The following CEP128 variants were observed in gnomAD, a reference collection of about 807,000 sequenced individuals.
CEP128 encodes the protein centrosomal protein 128kDa.
Under a neutral mutation model 156.7 loss-of-function variants are expected in CEP128, and 132 were observed. The ratio of observed to expected loss-of-function variants is 0.84; its 90% CI spans 0.73 to 0.97. CEP128 has a LOEUF of 0.97. Ranked by LOEUF, CEP128 falls within the 50% of genes least tolerant of loss-of-function variation. The pLI, the probability that CEP128 is intolerant of heterozygous loss-of-function variation, is 0.00. For missense variants in CEP128, 1,252 were observed against 1,281.9 expected, an observed-to-expected ratio of 0.98 and a Z score of 0.36; for synonymous variants, 469 against 448.9, an observed-to-expected ratio of 1.04 and a Z score of -0.57.
chr14:80,478,676 T>G (rs1886992578), intron 14 of CEP128, among the ~76,000 whole-genome samples: 1 of 152,100 alleles, frequency 6.6e-6, no homozygotes, highest in African/African-American at 2.4e-5. Flanking sequence ...GAGGATTGAG[T>G]TAAAATATTT....
intron 2 of CEP128, among the ~76,000 whole-genome samples, chr14:80,957,095 G>A (rs1886734801): frequency 6.6e-6 from 1 of 151,948 alleles, no homozygotes; most frequent in Admixed American, 6.6e-5. Context: ...AGAACTTCTG[G>A]CACTTCCCCA....
At chr14:80,572,494 G>A (rs1486360336) in intron 20 of CEP128, among the ~76,000 whole-genome samples, 1 of 152,136 alleles carries the variant, frequency 6.6e-6, no homozygotes, top group Non-Finnish European at 1.5e-5. Flanking sequence ...TTTGCCCAAA[G>A]TTTGAGGTCT....
intron 2 of CEP128, among the ~76,000 whole-genome samples, chr14:80,931,132 C>CTAT: frequency 6.6e-6 from 1 of 152,316 alleles, no homozygotes; most frequent in Non-Finnish European, 1.5e-5. Context: ...CATGAGGATA[C>CTAT]GATATGCGTA....
intron 19 of CEP128, among the ~76,000 whole-genome samples, chr14:80,634,350 C>T (rs1301404247): frequency 6.6e-6 from 1 of 152,082 alleles, no homozygotes. Context: ...GCCAGATTCC[C>T]GAAGGGCATT....
At chr14:80,777,595 A>G (rs1394254640) in intron 16 of CEP128, among the ~76,000 whole-genome samples, 3 of 152,240 alleles carry the variant, frequency 2.0e-5, no homozygotes, top group African/African-American at 7.2e-5. Flanking sequence ...CTTATAGTAG[A>G]TCCTCAATAA....
rs1457486116 is a variant in CEP128, at chr14:80,836,338, C to G, written c.925-1G>C. 2 of 1,613,728 alleles carry G rather than the reference C, an allele frequency of 1.2e-6. No individual in the cohort carries two copies. Among genetic ancestry groups the G allele is most frequent in the East Asian group, 4.5e-5 (2 of 44,846 alleles). On this transcript the variant is annotated splice_acceptor_variant, in intron 11 of 24. Coordinates refer to ENST00000555265, the MANE Select transcript of CEP128 (RefSeq NM_152446.5). LOFTEE classifies it high-confidence loss of function. ...TAAGTTGTGTACGCAGTTCTTCTAC[C>G]TAACACATGGTCAAAAATCAAACAT...
At chr14:80,794,532 G>C (rs2139851644) in intron 13 of CEP128, among the ~76,000 whole-genome samples, 2 of 152,170 alleles carry the variant, frequency 1.3e-5, no homozygotes, top group South Asian at 4.1e-4. Context: ...TATTCTAAAA[G>C]TTTTACCAAT....
chr14:80,846,946 T>C (rs1886637847), intron 9 of CEP128, among the ~76,000 whole-genome samples: 2 of 152,166 alleles, frequency 1.3e-5, no homozygotes, highest in Admixed American at 6.5e-5. Flanking sequence ...AACTGGAATA[T>C]TCTTTAATCC....
chr14:80,887,146 CAA>C (rs1302046951), intron 8 of CEP128, among the ~76,000 whole-genome samples: 3 of 152,180 alleles, frequency 2.0e-5, no homozygotes, highest in African/African-American at 7.2e-5. Context: ...TAGAGATCTA[CAA>C]AGAGACTTGG....
At chr14:80,709,056 G>A (rs920143353) in intron 19 of CEP128, among the ~76,000 whole-genome samples, 18 of 150,698 alleles carry the variant, frequency 1.2e-4, no homozygotes, top group African/African-American at 1.9e-4. Context: ...GGTAGCTCAC[G>A]CCTGTAATAA....
intron 11 of CEP128, among the ~76,000 whole-genome samples, chr14:80,836,677 T>A (rs1352949773): frequency 6.6e-6 from 1 of 152,222 alleles, no homozygotes; most frequent in African/African-American, 2.4e-5. Context: ...TTTGCTTTCA[T>A]GTGAACATGG....
intron 16 of CEP128, among the ~76,000 whole-genome samples, chr14:80,774,762 T>G (rs1900703667): frequency 6.6e-6 from 1 of 152,162 alleles, no homozygotes; most frequent in African/African-American, 2.4e-5. Flanking sequence ...ATTCGTCTCC[T>G]CAAATATCAA....
intron 19 of CEP128, among the ~76,000 whole-genome samples, chr14:80,630,865 T>C (rs895001900): frequency 6.6e-6 from 1 of 152,030 alleles, no homozygotes; most frequent in Non-Finnish European, 1.5e-5. Flanking sequence ...CTTTATGTAA[T>C]ATGAACAGAA....
chr14:80,490,879 A>G (rs1307293255), intron 6 of CEP128, among the ~76,000 whole-genome samples: 1 of 147,418 alleles, frequency 6.8e-6, no homozygotes, highest in Non-Finnish European at 1.5e-5. Context: ...CTTGAATTTG[A>G]CCATTGATCA....
chr14:80,702,925 T>C (rs1252694393), intron 19 of CEP128, among the ~76,000 whole-genome samples: 2 of 152,162 alleles, frequency 1.3e-5, no homozygotes, highest in Non-Finnish European at 2.9e-5. Context: ...GTAGGGTTTT[T>C]AAAATCACAT....
chr14:80,625,068 GT>G lies in CEP128; in HGVS notation c.2807-44646del, dbSNP rs201612800. Among the ~76,000 whole-genome samples the G allele has an allele frequency of 1.4e-4, 22 of 152,248 alleles. No individual in the cohort carries two copies. In the East Asian group the frequency reaches 4.2e-3, roughly 29 times the overall value. The stretch of plus-strand genomic sequence containing the variant: ...TTTATAGTTTCAGGCCTTATGTTAA[GT>G]CTTTAATCCATTTTGAGTCAATATG... On this transcript the variant is annotated intron_variant, in intron 19 of 24. Transcript: ENST00000555265.
intron 19 of CEP128, among the ~76,000 whole-genome samples, chr14:80,680,295 T>A (rs1896266498): frequency 6.6e-6 from 1 of 152,108 alleles, no homozygotes. Flanking sequence ...TATGCTCCCC[T>A]CAGATCATGG....
intron 19 of CEP128, among the ~76,000 whole-genome samples, chr14:80,596,045 T>C (rs1471291779): frequency 1.1e-5 from 1 of 90,832 alleles, no homozygotes; most frequent in African/African-American, 5.0e-5. Flanking sequence ...CCAAACCATA[T>C]CAGCAGGGAA....
At chr14:80,554,223 C>T (rs1032421344) in intron 21 of CEP128, among the ~76,000 whole-genome samples, 5 of 152,174 alleles carry the variant, frequency 3.3e-5, no homozygotes, top group Non-Finnish European at 4.4e-5. Context: ...CTGGAACAAA[C>T]TCAACTTGTT....
Sources: allele counts gnomAD v4.1 joint callset (sites outside exome capture counted in the v4.1 genomes callset), GRCh38; gene constraint gnomAD v4.1.1; transcripts MANE v1.5; gene names NCBI Gene and HGNC (gene_info 2026-07-23, HGNC 2026-07-21).